The following PPP1R12B variants were observed in gnomAD, a reference collection of about 807,000 sequenced individuals.
PPP1R12B encodes the protein myosin phosphatase target subunit 2.
PPP1R12B carries 76 observed loss-of-function variants against 126.1 expected under a neutral mutation model. The observed-to-expected ratio is 0.60, with a 90% CI of 0.50 to 0.73. The LOEUF (loss-of-function observed/expected upper bound fraction) is 0.73, where lower values mean the gene tolerates loss of function less well. Ranked by LOEUF, PPP1R12B falls within the 30% of genes least tolerant of loss-of-function variation. PPP1R12B has a pLI of 0.00. For missense variants in PPP1R12B, 1,052 were observed against 1,205.1 expected, an observed-to-expected ratio of 0.87 and a Z score of 1.88; for synonymous variants, 356 against 434.7, an observed-to-expected ratio of 0.82 and a Z score of 2.25.
intron 18 of PPP1R12B, among the ~76,000 whole-genome samples, chr1:202,552,139 AT>A (rs1348565860): frequency 2.6e-5 from 4 of 152,280 alleles, no homozygotes; most frequent in East Asian, 3.9e-4. Context: ...TTTGATGATA[AT>A]TTTTTTGATA....
chr1:202,468,143 G>A (rs1675307885), intron 13 of PPP1R12B, among the ~76,000 whole-genome samples: 1 of 152,060 alleles, frequency 6.6e-6, no homozygotes, highest in Non-Finnish European at 1.5e-5. Context: ...CAGATGAGTA[G>A]GTTGCAAAAC....
intron 9 of PPP1R12B, among the ~76,000 whole-genome samples, chr1:202,437,253 C>T (rs1489433202): frequency 1.3e-5 from 2 of 151,776 alleles, no homozygotes; most frequent in African/African-American, 4.9e-5. Context: ...ATTGCTTGGG[C>T]GCAGGAGGTC....
Position 202,442,492 on chromosome 1 carries a change from G to C in PPP1R12B, c.1587G>C (p.Gln529His). ...TGAGGAGTGGCTCCTATACCCGGCA[G>C]CTATGGAGGGATGAAGCAAAAGGAA... ...NLVRSGSYTR[Q>H]LWRDEAKGNE... The change falls in exon 12 of 24, where the codon CAG becomes CAC. Residue 529 changes from glutamine (Q) to histidine (H), a missense_variant. Coordinates refer to ENST00000608999, the MANE Select transcript of PPP1R12B (RefSeq NM_002481.4). 1 of 1,613,808 alleles carries C rather than the reference G, an allele frequency of 6.2e-7. No homozygotes were observed.
At chr1:202,554,724 G>A (rs1294658398) in intron 18 of PPP1R12B, among the ~76,000 whole-genome samples, 4 of 151,646 alleles carry the variant, frequency 2.6e-5, no homozygotes, top group Non-Finnish European at 5.9e-5. Context: ...TTTTATAAAA[G>A]GCTACCCAAA....
chr1:202,474,965 G>C (rs1313903095), intron 13 of PPP1R12B, among the ~76,000 whole-genome samples: 1 of 152,110 alleles, frequency 6.6e-6, no homozygotes, highest in African/African-American at 2.4e-5. Context: ...AGACTTAGAG[G>C]CCGTTTGTTC....
At chr1:202,540,161 A>G in intron 18 of PPP1R12B, 1 of 1,609,852 alleles carries the variant, frequency 6.2e-7, no homozygotes, top group Non-Finnish European at 8.5e-7. Flanking sequence ...ATATACCCGA[A>G]GTAAAGAATT....
chr1:202,464,113 T>G (rs577181755), intron 13 of PPP1R12B, among the ~76,000 whole-genome samples: 1 of 152,328 alleles, frequency 6.6e-6, no homozygotes, highest in East Asian at 1.9e-4. Flanking sequence ...CTGCTACACC[T>G]GAGCCCCAGG....
At chr1:202,448,064 A>G (rs996429336) in intron 12 of PPP1R12B, among the ~76,000 whole-genome samples, 13 of 151,972 alleles carry the variant, frequency 8.6e-5, no homozygotes, top group African/African-American at 3.1e-4. Flanking sequence ...ATTATTTGGA[A>G]GTAAGCTTAG....
chr1:202,356,010 C>A (rs535267259), intron 1 of PPP1R12B, among the ~76,000 whole-genome samples: 3 of 151,690 alleles, frequency 2.0e-5, no homozygotes, highest in Non-Finnish European at 2.9e-5. Context: ...TCTCTCCAAC[C>A]CCCTCCCCAC....
intron 12 of PPP1R12B, among the ~76,000 whole-genome samples, chr1:202,443,750 A>G (rs772582371): frequency 2.6e-5 from 4 of 152,244 alleles, no homozygotes; most frequent in African/African-American, 2.4e-5. Context: ...TAAGAAAACA[A>G]TGTTCTAGAT....
At chr1:202,395,801 A>G (rs1380463773) in intron 1 of PPP1R12B, among the ~76,000 whole-genome samples, 6 of 152,210 alleles carry the variant, frequency 3.9e-5, no homozygotes, top group African/African-American at 1.4e-4. Flanking sequence ...CCTCTCTGAA[A>G]TTTTTGAACT....
In PPP1R12B at chr1:202,401,361, A is replaced by ATTTTTTTTTTTTTTTTT. The variant is rs34810265; in HGVS notation, c.292-15413_292-15397dup. On this transcript the variant is annotated intron_variant, in intron 1 of 23. Transcript: ENST00000608999. The stretch of plus-strand genomic sequence containing the variant: ...TCCACCACCATGGCTGGCTAATTTA[A>ATTTTTTTTTTTTTTTTT]TTTTTTTTTTTTTTTTTTTTTTTTT... Among the ~76,000 whole-genome samples, 3 of 71,426 alleles carry ATTTTTTTTTTTTTTTTT rather than the reference A, an allele frequency of 4.2e-5. 1 individual carries two copies. Among genetic ancestry groups the ATTTTTTTTTTTTTTTTT allele is most frequent in the African/African-American group, 1.2e-4 (2 of 17,166 alleles). 46.9% of individuals were successfully genotyped at this position (71,426 alleles called of 152,430 possible).
chr1:202,462,801 G>A, intron 13 of PPP1R12B: 1 of 985,426 alleles, frequency 1.0e-6, no homozygotes. Flanking sequence ...AGTCAGAGGA[G>A]TGGCCACCTG....
intron 18 of PPP1R12B, among the ~76,000 whole-genome samples, chr1:202,504,791 T>C (rs1176013998): frequency 2.0e-5 from 3 of 152,228 alleles, no homozygotes; most frequent in African/African-American, 7.2e-5. Flanking sequence ...ATTTAACTAC[T>C]TTGGATAGGT....
chr1:202,454,453 A>G (rs1673367656), intron 13 of PPP1R12B, among the ~76,000 whole-genome samples: 1 of 152,248 alleles, frequency 6.6e-6, no homozygotes, highest in Non-Finnish European at 1.5e-5. Flanking sequence ...AATATTTTAA[A>G]GTACCTGTTG....
rs1025335317 is a variant in PPP1R12B at position 202,565,657 on chromosome 1, G to A, written c.2757+1110G>A. ...CTTACCCAGGTGTAAAATGTGAACT[G>A]CCTGTCAGTTTAGAAGAGCCACCCC... On this transcript the variant is annotated intron_variant, in intron 21 of 23. Transcript: ENST00000608999. This position sits in a 1 kb window ranked among gnomAD's most constrained non-coding sequence, Gnocchi z 4.3. Among the ~76,000 whole-genome samples, 4 of 152,154 alleles carry A rather than the reference G, an allele frequency of 2.6e-5. No individual in the cohort carries two copies. Among genetic ancestry groups the A allele is most frequent in the Admixed American group, 6.5e-5 (1 of 15,274 alleles).
rs7551180 is a variant in PPP1R12B at position 202,442,618 on chromosome 1, A to G, written c.1667+46A>G. ...GGGAGATGTTTCTTTCACTCTAGCC[A>G]TGGGAAATGGGTAATGATTGTATGC... On this transcript the variant is annotated intron_variant, in intron 12 of 23. Coordinates refer to ENST00000608999, the MANE Select transcript of PPP1R12B (RefSeq NM_002481.4). 1.7e-3 allele frequency: 2,635 copies of G among 1,548,408 alleles called. 29 individuals carry two copies. The African/African-American group carries it at 0.028, about 16-fold the overall frequency.
chr1:202,445,763 T>G (rs1027693013), intron 12 of PPP1R12B, among the ~76,000 whole-genome samples: 2 of 152,184 alleles, frequency 1.3e-5, no homozygotes, highest in Non-Finnish European at 2.9e-5. Context: ...TAAACTGTGT[T>G]GTGGGGGCAG....
chr1:202,545,963 T>A (rs1463709634), intron 18 of PPP1R12B, among the ~76,000 whole-genome samples: 1 of 152,070 alleles, frequency 6.6e-6, no homozygotes, highest in Non-Finnish European at 1.5e-5. Context: ...TTTTGAGGAT[T>A]TGGGGAGTTA....
Sources: allele counts gnomAD v4.1 joint callset (sites outside exome capture counted in the v4.1 genomes callset), GRCh38; gene constraint gnomAD v4.1.1; non-coding constraint Gnocchi (gnomAD v3.1); transcripts MANE v1.5; gene names NCBI Gene and HGNC (gene_info 2026-07-23, HGNC 2026-07-21).